The following CDKAL1 variants were observed in gnomAD, a reference collection of about 807,000 sequenced individuals.
CDKAL1 encodes CDKAL1 threonylcarbamoyladenosine tRNA methylthiotransferase.
CDKAL1 carries 32 observed loss-of-function variants against 68.2 expected under a neutral mutation model. The observed-to-expected ratio is 0.47, with a 90% CI of 0.35 to 0.63. The LOEUF (loss-of-function observed/expected upper bound fraction) is 0.63, where lower values mean the gene tolerates loss of function less well. CDKAL1 is among the 30% of genes least tolerant of loss of function. CDKAL1 has a pLI of 0.00. For missense variants in CDKAL1, 606 were observed against 696.7 expected (o/e 0.87, Z 1.47); for synonymous variants, 234 against 244.3 (o/e 0.96, Z 0.39).
chr6:20,713,022 G>A (rs997886743), intron 5 of CDKAL1, among the ~76,000 whole-genome samples: 1 of 151,072 alleles, frequency 6.6e-6, no homozygotes, highest in Non-Finnish European at 1.5e-5. Flanking sequence ...CAAAGGACTT[G>A]TGATCATGTA....
In CDKAL1 at chr6:20,534,535, T is replaced by C. The variant is rs1763092602; in HGVS notation, c.-89T>C. 1 of 152,558 alleles carries C rather than the reference T, an allele frequency of 6.6e-6. No individual in the cohort carries two copies. Among genetic ancestry groups the C allele is most frequent in the Admixed American group, 6.6e-5 (1 of 15,256 alleles). 9.5% of individuals were successfully genotyped at this position (152,558 alleles called of 1,614,324 possible). ...CAGCTTCCGGAGAGTGGCGGGTTGA[T>C]TTTCTCACTTTGGACTGGTTTTTAC... is the stretch of plus-strand genomic sequence containing the variant. On this transcript the variant is annotated 5_prime_UTR_variant, in exon 1 of 16. Coordinates refer to ENST00000274695, the MANE Select transcript of CDKAL1 (RefSeq NM_017774.3).
At chr6:21,076,845 A>G (rs1019366433) in intron 12 of CDKAL1, among the ~76,000 whole-genome samples, 2 of 152,126 alleles carry the variant, frequency 1.3e-5, no homozygotes, top group African/African-American at 4.8e-5. Context: ...TCTTCTGGAC[A>G]CATCATTTTT....
At chr6:20,621,503 G>A (rs187085950) in intron 4 of CDKAL1, among the ~76,000 whole-genome samples, 33 of 152,214 alleles carry the variant, frequency 2.2e-4, no homozygotes, top group African/African-American at 7.7e-4. Flanking sequence ...GAGTCGGGGG[G>A]TTGTGCTCCC....
At chr6:20,587,132 G>A (rs766100245) in intron 4 of CDKAL1, among the ~76,000 whole-genome samples, 6 of 151,568 alleles carry the variant, frequency 4.0e-5, no homozygotes, top group Non-Finnish European at 8.8e-5. Flanking sequence ...GATTACAGGC[G>A]CGTGCCACCA....
At chr6:21,005,061 T>C (rs147761109) in intron 11 of CDKAL1, among the ~76,000 whole-genome samples, 2 of 152,362 alleles carry the variant, frequency 1.3e-5, no homozygotes, top group African/African-American at 4.8e-5. Context: ...TTTAAACTTA[T>C]TACTGAGATG....
intron 8 of CDKAL1, among the ~76,000 whole-genome samples, chr6:20,833,737 T>C (rs1777817277): frequency 6.6e-6 from 1 of 152,210 alleles, no homozygotes; most frequent in African/African-American, 2.4e-5. Flanking sequence ...GCATATTTGA[T>C]AGCAAGTGAT....
intron 5 of CDKAL1, among the ~76,000 whole-genome samples, chr6:20,704,124 A>C (rs1032772686): frequency 6.6e-6 from 1 of 152,168 alleles, no homozygotes; most frequent in Non-Finnish European, 1.5e-5. Flanking sequence ...ATACTTAATG[A>C]GCTTATGTGG....
intron 11 of CDKAL1, among the ~76,000 whole-genome samples, chr6:21,060,648 A>G (rs1186348940): frequency 6.6e-6 from 1 of 152,136 alleles, no homozygotes; most frequent in Admixed American, 6.5e-5. Flanking sequence ...TAAAATCTAT[A>G]AATTTTTCTC....
intron 9 of CDKAL1, among the ~76,000 whole-genome samples, chr6:20,928,957 C>CT (rs1179404123): frequency 4.6e-5 from 7 of 152,196 alleles, no homozygotes; most frequent in African/African-American, 1.7e-4. Context: ...TTCATAATAT[C>CT]TCAGCATATT....
rs1272688361 is a variant in CDKAL1 at position 20,780,681 on chromosome 6, T to C, written c.518-464T>C. 4.2e-5 allele frequency among the ~76,000 whole-genome samples: 5 copies of C among 119,518 alleles called. 1 individual carries two copies. The Admixed American group carries it at 4.4e-4, about 11-fold the overall frequency. The allele number at this position is 119,518 out of a possible 152,430, so 78.4% of individuals were successfully genotyped here. On this transcript the variant is annotated intron_variant, in intron 7 of 15. Coordinates refer to ENST00000274695, the MANE Select transcript of CDKAL1 (RefSeq NM_017774.3). ...TTTCATTTCTTTTTCTTTTTTTTTTTTTTTTTTTTTGAGATGGAGTCTCAC... is the reference window on the plus strand; with the variant it reads ...TTTCATTTCTTTTTCTTTTTTTTTTCTTTTTTTTTTGAGATGGAGTCTCAC...
chr6:20,931,543 C>T (rs953575614), intron 9 of CDKAL1, among the ~76,000 whole-genome samples: 2 of 152,072 alleles, frequency 1.3e-5, no homozygotes, highest in Non-Finnish European at 2.9e-5. Context: ...TAAGTTCTTT[C>T]CAAAAATGTG....
At chr6:20,737,367 C>T (rs1446847318) in intron 5 of CDKAL1, among the ~76,000 whole-genome samples, 1 of 152,236 alleles carries the variant, frequency 6.6e-6, no homozygotes, top group Non-Finnish European at 1.5e-5. Context: ...TTGTTGAGTG[C>T]AAAGCACTTG....
At chr6:21,091,251 C>G (rs1772992618) in intron 12 of CDKAL1, among the ~76,000 whole-genome samples, 1 of 152,150 alleles carries the variant, frequency 6.6e-6, no homozygotes. Flanking sequence ...AGAGGAAACC[C>G]CACAACAAGA....
At chr6:21,204,925 C>T (rs1027293695) in intron 15 of CDKAL1, among the ~76,000 whole-genome samples, 6 of 152,206 alleles carry the variant, frequency 3.9e-5, no homozygotes, top group Non-Finnish European at 8.8e-5. Flanking sequence ...AAACCCTGTA[C>T]TCATTAAACA....
rs1027793410 is a variant in CDKAL1, at chr6:21,047,176, G to C, written c.1056-17872G>C. 1.5e-4 allele frequency among the ~76,000 whole-genome samples: 23 copies of C among 151,940 alleles called. 1 individual carries two copies. The highest frequency in any genetic ancestry group is 5.6e-4 in the African/African-American group (23 of 41,404). On this transcript the variant is annotated intron_variant, in intron 11 of 15. Transcript: ENST00000274695. ...CTAGATCCTTCCGTCTCAGCCTCAT[G>C]AGTAGCTAGGACTACAGGTGTGTGT...
chr6:20,737,359 G>T (rs1216892931), intron 5 of CDKAL1, among the ~76,000 whole-genome samples: 1 of 152,216 alleles, frequency 6.6e-6, no homozygotes, highest in Non-Finnish European at 1.5e-5. Flanking sequence ...CCATAAGCTT[G>T]TTGAGTGCAA....
At chr6:20,661,691 G>A (rs1422991781) in intron 5 of CDKAL1, among the ~76,000 whole-genome samples, 1 of 152,038 alleles carries the variant, frequency 6.6e-6, no homozygotes, top group Non-Finnish European at 1.5e-5. Context: ...GAGGTGGTAG[G>A]CCATTTTAAA....
At chr6:20,599,415 T>C in intron 4 of CDKAL1, 2 of 450,008 alleles carry the variant, frequency 4.4e-6, no homozygotes, top group Non-Finnish European at 8.9e-6. Flanking sequence ...AAGTAGAAAG[T>C]TCCTGGAGAA....
At chr6:20,951,957 C>CTTTTTT (rs10558500) in intron 9 of CDKAL1, among the ~76,000 whole-genome samples, 8 of 91,804 alleles carry the variant, frequency 8.7e-5, no homozygotes, top group Non-Finnish European at 1.1e-4. Flanking sequence ...TTTTCATTTT[C>CTTTTTT]TTTTTTTTTT....
Sources: gnomAD v4.1 joint callset for allele counts (sites outside exome capture counted in the v4.1 genomes callset) on GRCh38, gnomAD v4.1.1 for gene constraint, MANE v1.5 for transcripts, NCBI Gene and HGNC (gene_info 2026-07-23, HGNC 2026-07-21) for gene names.